The following PREX1 variants were observed in gnomAD, a reference collection of about 807,000 sequenced individuals.
PREX1 encodes phosphatidylinositol 3,4,5-trisphosphate-dependent Rac exchanger 1 protein.
In PREX1, 41 loss-of-function variants were observed where a neutral mutation model predicts 198.3. That is an observed-to-expected ratio of 0.21 (90% CI 0.16 to 0.27). The LOEUF (loss-of-function observed/expected upper bound fraction) is 0.27. Ranked by LOEUF, PREX1 falls within the 10% of genes least tolerant of loss-of-function variation. The probability of loss-of-function intolerance (pLI) is 1.00; values close to 1 mark genes in which losing one functional copy is unlikely to be tolerated. For missense variants in PREX1, 1,620 were observed against 2,200.7 expected (o/e 0.74, Z 5.28); for synonymous variants, 843 against 887.2 (o/e 0.95, Z 0.89).
chr20:48,734,433 C>T lies in PREX1; in HGVS notation c.519+113G>A, dbSNP rs2090048061. The stretch of plus-strand genomic sequence containing the variant: ...TCCCTGCTTTAGGCAGGAGATTACC[C>T]CAGCCAAGGAAAGGATTTGGCACCA... On this transcript the variant is annotated intron_variant, in intron 4 of 39. Coordinates refer to ENST00000371941, the MANE Select transcript of PREX1 (RefSeq NM_020820.4). 3.3e-6 allele frequency: 3 copies of T among 919,052 alleles called. No homozygotes were observed. In the East Asian group the frequency reaches 7.4e-5, roughly 23 times the overall value. The allele number at this position is 919,052 out of a possible 1,614,324, so 56.9% of individuals were successfully genotyped here.
chr20:48,774,096 G>A (rs546816770), intron 1 of PREX1, among the ~76,000 whole-genome samples: 2 of 152,336 alleles, frequency 1.3e-5, no homozygotes, highest in East Asian at 3.9e-4. Flanking sequence ...CACTTTTATT[G>A]AGACAGGAAG....
Position 48,646,661 on chromosome 20 carries a change from G to A in PREX1, c.3306-604C>T, listed in dbSNP as rs191648497. ...CCAAGATCGCACCACTGCACAGAGC[G>A]AGAGAACCCATCTCAAAAAAAAAAA... On this transcript the variant is annotated intron_variant, in intron 25 of 39. Transcript: ENST00000371941. 4.0e-3 allele frequency among the ~76,000 whole-genome samples: 568 copies of A among 142,944 alleles called. 2 individuals are homozygous for A. Among genetic ancestry groups the A allele is most frequent in the African/African-American group, 0.014 (538 of 37,876 alleles). 93.8% of individuals were successfully genotyped at this position (142,944 alleles called of 152,430 possible).
At chr20:48,780,296 T>C (rs2090282774) in intron 1 of PREX1, among the ~76,000 whole-genome samples, 1 of 152,096 alleles carries the variant, frequency 6.6e-6, no homozygotes, top group Admixed American at 6.6e-5. Flanking sequence ...CCAGAATATC[T>C]TGTGGTTAGA....
chr20:48,834,906 G>A, the PREX1 span, among the ~76,000 whole-genome samples: 2 of 152,034 alleles, frequency 1.3e-5, no homozygotes, highest in Non-Finnish European at 2.9e-5. Flanking sequence ...ACAGGCACCT[G>A]CCACCACGCC....
chr20:48,878,510 T>G, the PREX1 span, among the ~76,000 whole-genome samples: 6 of 152,148 alleles, frequency 3.9e-5, no homozygotes, highest in East Asian at 1.2e-3. Flanking sequence ...CAGTTAATTT[T>G]TTGTATTTTT....
intron 1 of PREX1, among the ~76,000 whole-genome samples, chr20:48,813,267 A>G (rs904744268): frequency 1.5e-4 from 23 of 152,234 alleles, no homozygotes; most frequent in Non-Finnish European, 2.9e-4. Flanking sequence ...CAGCTTCCCG[A>G]GGTCACAGAG....
intron 1 of PREX1, among the ~76,000 whole-genome samples, chr20:48,807,435 C>A (rs559123526): frequency 6.6e-6 from 1 of 152,186 alleles, no homozygotes; most frequent in African/African-American, 2.4e-5. Flanking sequence ...AACAGCTGTC[C>A]GTTACCCCAA....
At chr20:48,627,444 C>T (rs1399261419) in intron 39 of PREX1, 104 bp downstream of exon 39, 1 of 1,269,562 alleles carries the variant, frequency 7.9e-7, no homozygotes. Context: ...AGAGGGGAAG[C>T]CCCATCTGAG....
intron 5 of PREX1, among the ~76,000 whole-genome samples, chr20:48,718,143 C>T (rs2089970427): frequency 6.6e-6 from 1 of 152,212 alleles, no homozygotes; most frequent in Non-Finnish European, 1.5e-5. Flanking sequence ...GTGTTTGTGA[C>T]CCTAGGGTGG....
intron 1 of PREX1, among the ~76,000 whole-genome samples, chr20:48,778,522 G>A (rs750758894): frequency 6.6e-6 from 1 of 152,058 alleles, no homozygotes; most frequent in Admixed American, 6.6e-5. Flanking sequence ...CCCAGGAGGT[G>A]GAGGTTGCAG....
At chr20:48,882,966 C>G in the PREX1 span, among the ~76,000 whole-genome samples, 2 of 133,056 alleles carry the variant, frequency 1.5e-5, no homozygotes, top group Admixed American at 8.2e-5. Context: ...AAGTCTTGCT[C>G]TGTCACCCAG....
intron 15 of PREX1, among the ~76,000 whole-genome samples, chr20:48,662,774 G>T (rs1445376583): frequency 6.6e-6 from 1 of 152,128 alleles, no homozygotes; most frequent in East Asian, 1.9e-4. Flanking sequence ...GCCTATTTTT[G>T]AGTTCGTGGC....
intron 14 of PREX1, among the ~76,000 whole-genome samples, chr20:48,667,415 C>T (rs553136409): frequency 1.3e-5 from 2 of 152,264 alleles, no homozygotes; most frequent in African/African-American, 4.8e-5. Flanking sequence ...CATCTTCCCC[C>T]CCAGGTAAAA....
intron 3 of PREX1, among the ~76,000 whole-genome samples, chr20:48,741,694 G>A (rs554303237): frequency 6.7e-4 from 102 of 152,342 alleles, no homozygotes; most frequent in African/African-American, 2.3e-3. Context: ...CAGAGTAGGG[G>A]AGGGGCGCGG....
chr20:48,763,719 C>T (rs879468524), intron 1 of PREX1, among the ~76,000 whole-genome samples: 5 of 152,156 alleles, frequency 3.3e-5, no homozygotes, highest in Non-Finnish European at 7.3e-5. Context: ...GGGCCCAGGC[C>T]TCAGTGAGGG....
At chr20:48,823,833 G>A (rs1258495824) in intron 1 of PREX1, among the ~76,000 whole-genome samples, 1 of 152,168 alleles carries the variant, frequency 6.6e-6, no homozygotes, top group Non-Finnish European at 1.5e-5. Flanking sequence ...GAGTTGTGGG[G>A]TCAGGCAGCC....
chr20:48,683,673 C>T (rs1202912961), intron 10 of PREX1, among the ~76,000 whole-genome samples: 1 of 152,182 alleles, frequency 6.6e-6, no homozygotes, highest in Non-Finnish European at 1.5e-5. Flanking sequence ...CATCATGGCC[C>T]ATTATGTTAG....
chr20:48,660,278 C>A (rs2089580347), intron 15 of PREX1, among the ~76,000 whole-genome samples: 1 of 152,354 alleles, frequency 6.6e-6, no homozygotes, highest in East Asian at 1.9e-4. Context: ...TCTGAACTTG[C>A]CTCACCTGCT....
chr20:48,782,704 TGG>T (rs969066009), intron 1 of PREX1, among the ~76,000 whole-genome samples: 2 of 152,042 alleles, frequency 1.3e-5, no homozygotes, highest in African/African-American at 4.8e-5. Context: ...GGGGCAGATC[TGG>T]GGAAAGGACT....
Sources: gnomAD v4.1 joint callset for allele counts (sites outside exome capture counted in the v4.1 genomes callset) on GRCh38, gnomAD v4.1.1 for gene constraint, MANE v1.5 for transcripts, NCBI Gene and HGNC (gene_info 2026-07-23, HGNC 2026-07-21) for gene names.